NOS1: variants seen among roughly 807,000 people sequenced by gnomAD.
NOS1 encodes nitric oxide synthase 1, also known as NOS type I.
NOS1 carries 51 observed loss-of-function variants against 164.5 expected under a neutral mutation model. The observed-to-expected ratio is 0.31, with a 90% CI of 0.25 to 0.39. The LOEUF is 0.39. Among genes scored for constraint, NOS1 ranks in the 10% least tolerant of loss-of-function variants. The probability of loss-of-function intolerance (pLI) is 1.00; values close to 1 mark genes in which losing one functional copy is unlikely to be tolerated. For synonymous variants in NOS1, 719 were observed against 745.8 expected (o/e 0.96, Z 0.59); for missense variants, 1,362 against 1,885.6 (o/e 0.72, Z 5.14).
At chr12:117,321,760 C>CA (rs1450092714) in intron 2 of NOS1, among the ~76,000 whole-genome samples, 1 of 152,118 alleles carries the variant, frequency 6.6e-6, no homozygotes, top group African/African-American at 2.4e-5. Context: ...GCTTCTGACT[C>CA]AGACAGTCCT....
At chr12:117,309,062 G>A (rs1379557351) in intron 3 of NOS1, among the ~76,000 whole-genome samples, 1 of 152,148 alleles carries the variant, frequency 6.6e-6, no homozygotes, top group Non-Finnish European at 1.5e-5. Flanking sequence ...GCCTCTTGCT[G>A]TCTTTCTTTC....
At chr12:117,348,798 G>GA (rs777508185) in intron 1 of NOS1, among the ~76,000 whole-genome samples, 2 of 152,180 alleles carry the variant, frequency 1.3e-5, no homozygotes, top group African/African-American at 2.4e-5. Context: ...GGGAGACAAG[G>GA]AAAGACTGAC....
intron 3 of NOS1, among the ~76,000 whole-genome samples, chr12:117,299,681 C>CCT (rs10532868): frequency 6.9e-4 from 99 of 144,288 alleles, no homozygotes; most frequent in East Asian, 1.2e-3. Context: ...GCTTACTCTG[C>CCT]CTCTCTCTCT....
At chr12:117,256,284 G>GCTTTTTTTTTTTTTTT (rs1555252509) in intron 16 of NOS1, among the ~76,000 whole-genome samples, 1 of 118,488 alleles carries the variant, frequency 8.4e-6, no homozygotes, top group Non-Finnish European at 1.6e-5. Flanking sequence ...GGGATTTTCT[G>GCTTTTTTTTTTTTTTT]TTTTTTTTTT....
Position 117,265,469 on chromosome 12 carries a change from C to G in NOS1, c.1983G>C (p.Glu661Asp). The stretch of plus-strand genomic sequence containing the variant: ...CATTCTCCATGTGCTTAATGAAGGA[C>G]TCGGTGGCGGAGTGATGGTCAACAA... ...VTIVDHHSAT[E>D]SFIKHMENEY... The change falls in exon 12 of 29, where the codon GAG (glutamate) becomes GAC (aspartate). Residue 661 changes from glutamate (E) to aspartate (D), a missense_variant. Coordinates refer to ENST00000317775, the MANE Select transcript of NOS1 (RefSeq NM_000620.5). 6.3e-7 allele frequency: 1 copy of G among 1,576,764 alleles called. No homozygotes were observed. The highest frequency in any genetic ancestry group is 8.6e-7 in the Non-Finnish European group (1 of 1,161,646).
rs544414179 is a variant in NOS1, at chr12:117,345,104, T to A, written c.-420-13615A>T. ...TGGAGTGCAGTGGCACAATCTCGGC[T>A]CACTGCAACCTCCGCCTCCTGGGTT... On this transcript the variant is annotated intron_variant, in intron 1 of 28. Coordinates refer to ENST00000317775, the MANE Select transcript of NOS1 (RefSeq NM_000620.5). 6.0e-5 allele frequency among the ~76,000 whole-genome samples: 9 copies of A among 150,462 alleles called. No individual in the cohort carries two copies. In the South Asian group the frequency reaches 1.7e-3, roughly 28 times the overall value.
In NOS1 at chr12:117,232,087, T is replaced by C; in HGVS notation, c.3280A>G (p.Thr1094Ala). Residue 1094 changes from threonine (T) to alanine (A), a missense_variant, in exon 22 of 29, where the codon ACC (threonine) becomes GCC (alanine). By Grantham distance (58) the Thr-to-Ala change is moderately conservative. Coordinates refer to ENST00000317775, the MANE Select transcript of NOS1 (RefSeq NM_000620.5). ...WTDELRLPPCTIFQAFKYYLD... is the reference protein window; with the variant it reads ...WTDELRLPPCAIFQAFKYYLD... ...TAGTACTTGAAGGCCTGGAAGATGG[T>C]GCAGGGCGGGAGGCGGAGCTCGTCT... is the stretch of plus-strand genomic sequence containing the variant. 4 of 1,612,166 alleles carry C rather than the reference T, an allele frequency of 2.5e-6. No individual in the cohort carries two copies. The highest frequency in any genetic ancestry group is 3.4e-6 in the Non-Finnish European group (4 of 1,179,962).
chr12:117,294,162 G>T (rs145747471), intron 3 of NOS1, among the ~76,000 whole-genome samples: 9 of 152,260 alleles, frequency 5.9e-5, no homozygotes, highest in Admixed American at 2.0e-4. Context: ...AAACCCTCTC[G>T]GCCACCCATG....
chr12:117,311,705 TC>T, intron 2 of NOS1, 113 bp from the exon 3 acceptor site: 1 of 1,174,700 alleles, frequency 8.5e-7, no homozygotes, highest in Non-Finnish European at 1.2e-6. Context: ...CTCACATAAC[TC>T]CATATGAGCC....
rs1876879637 is a variant in NOS1, at chr12:117,356,913, C to T, written c.-421+4599G>A. Among the ~76,000 whole-genome samples the T allele has an allele frequency of 6.6e-6, 1 of 152,192 alleles. No homozygotes were observed. The highest frequency in any genetic ancestry group is 1.5e-5 in the Non-Finnish European group (1 of 68,038). On this transcript the variant is annotated intron_variant, in intron 1 of 28. Coordinates refer to ENST00000317775, the MANE Select transcript of NOS1 (RefSeq NM_000620.5). The surrounding 1 kb of genome is among the most constrained non-coding windows in gnomAD (Gnocchi z 4.2). ...AAAGGCTGAGTGGAAGGCCGATGGG[C>T]TGTGGAAATGAACTCAAACCAATGG...
At chr12:117,254,653 TG>T (rs1486399046) in intron 16 of NOS1, among the ~76,000 whole-genome samples, 262 of 152,294 alleles carry the variant, frequency 1.7e-3, no homozygotes, top group African/African-American at 6.1e-3. Context: ...TCAATGTGGT[TG>T]GTACACTGCA....
At chr12:117,255,492 CATCAG>C (rs1453916822) in intron 16 of NOS1, among the ~76,000 whole-genome samples, 2 of 152,202 alleles carry the variant, frequency 1.3e-5, no homozygotes, top group Non-Finnish European at 2.9e-5. Context: ...TTCGCTCCAG[CATCAG>C]GAAAGTTCTA....
intron 17 of NOS1, among the ~76,000 whole-genome samples, chr12:117,251,446 T>A (rs1409709509): frequency 6.6e-6 from 1 of 152,106 alleles, no homozygotes; most frequent in African/African-American, 2.4e-5. Context: ...AATCTTCAGC[T>A]TATGATTTCA....
chr12:117,282,296 G>A (rs1419741441), intron 7 of NOS1, among the ~76,000 whole-genome samples: 1 of 152,106 alleles, frequency 6.6e-6, no homozygotes, highest in African/African-American at 2.4e-5. Flanking sequence ...TTGCCAGCTG[G>A]ATTCGCTGGC....
At chr12:117,256,001 C>T in intron 16 of NOS1, 10 of 1,470,594 alleles carry the variant, frequency 6.8e-6, no homozygotes, top group Non-Finnish European at 9.0e-6. Context: ...GGAGGGGAGG[C>T]CCTTTACGGG....
Position 117,272,852 on chromosome 12 carries a change from G to A in NOS1, c.1665-293C>T, listed in dbSNP as rs1872893952. Among the ~76,000 whole-genome samples, 1 of 152,230 alleles carries A rather than the reference G, an allele frequency of 6.6e-6. No individual in the cohort carries two copies. Among genetic ancestry groups the A allele is most frequent in the South Asian group, 2.1e-4 (1 of 4,834 alleles). On this transcript the variant is annotated intron_variant, in intron 9 of 28. Coordinates refer to ENST00000317775, the MANE Select transcript of NOS1 (RefSeq NM_000620.5). The surrounding 1 kb of genome is among the most constrained non-coding windows in gnomAD (Gnocchi z 4.3). Reference sequence around the variant, plus strand: ...ACCCTGAAAGTGAGTCCAGGAGAAAGTGTGGGGACCTCTCTCCCCCTTCCC... The same window carrying A: ...ACCCTGAAAGTGAGTCCAGGAGAAAATGTGGGGACCTCTCTCCCCCTTCCC...
At chr12:117,333,074 C>T (rs947357547) in intron 1 of NOS1, among the ~76,000 whole-genome samples, 5 of 152,218 alleles carry the variant, frequency 3.3e-5, no homozygotes, top group Middle Eastern at 3.4e-3. Context: ...CCCACGGGGC[C>T]GTGTACATGC....
rs557315872 is a variant in NOS1, at chr12:117,216,684, G to A, written c.4290-1360C>T. On this transcript the variant is annotated intron_variant, in intron 28 of 28. Coordinates refer to ENST00000317775, the MANE Select transcript of NOS1 (RefSeq NM_000620.5). ...TGTAGAGACAGGGTCTCCTTGCGTT[G>A]CCCAGGCTGATCTTGAACTCCTGGG... Among the ~76,000 whole-genome samples the A allele has an allele frequency of 2.4e-4, 36 of 151,992 alleles. No individual in the cohort carries two copies. In the South Asian group the frequency reaches 6.9e-3, roughly 29 times the overall value.
intron 18 of NOS1, among the ~76,000 whole-genome samples, chr12:117,245,272 T>C (rs1870532845): frequency 6.6e-6 from 1 of 152,176 alleles, no homozygotes; most frequent in South Asian, 2.1e-4. Flanking sequence ...TGGCACAGTC[T>C]ACATTTATTA....
Sources: gnomAD v4.1 joint callset for allele counts (sites outside exome capture counted in the v4.1 genomes callset) on GRCh38, gnomAD v4.1.1 for gene constraint, Gnocchi (gnomAD v3.1) non-coding constraint, MANE v1.5 for transcripts, NCBI Gene and HGNC (gene_info 2026-07-23, HGNC 2026-07-21) for gene names.